ATAD2: variants seen among roughly 807,000 people sequenced by gnomAD.
ATAD2 encodes ATPase family AAA domain-containing protein 2.
ATAD2 carries 62 observed loss-of-function variants against 168.9 expected under a neutral mutation model. The observed-to-expected ratio is 0.37, with a 90% CI of 0.30 to 0.45. ATAD2 has a LOEUF of 0.45. ATAD2 is among the 20% of genes least tolerant of loss of function. The probability of loss-of-function intolerance (pLI) is 1.00; values close to 1 mark genes in which losing one functional copy is unlikely to be tolerated. For missense variants in ATAD2, 1,419 were observed against 1,667.8 expected, an observed-to-expected ratio of 0.85 and a Z score of 2.60; for synonymous variants, 613 against 571.6, an observed-to-expected ratio of 1.07 and a Z score of -1.03.
At chr8:123,413,275 C>T (rs1402877309) in intron 1 of ATAD2, among the ~76,000 whole-genome samples, 1 of 148,296 alleles carries the variant, frequency 6.7e-6, no homozygotes, top group Admixed American at 6.7e-5. Context: ...TTCCAAATGC[C>T]CAAATTACCT....
intron 1 of ATAD2, among the ~76,000 whole-genome samples, chr8:123,408,104 A>G (rs549774822): frequency 6.6e-6 from 1 of 152,350 alleles, no homozygotes; most frequent in Admixed American, 6.5e-5. Context: ...CTTAAATTGT[A>G]TACCAAATCT....
At chr8:123,392,433 T>C (rs1812620601) in intron 1 of ATAD2, among the ~76,000 whole-genome samples, 1 of 152,014 alleles carries the variant, frequency 6.6e-6, no homozygotes, top group African/African-American at 2.4e-5. Context: ...TGAATCATAG[T>C]CACACAGCTT....
rs749524626 is a variant in ATAD2, at chr8:123,337,822, C to CTTCA, written c.2855-5_2855-2dup. The CTTCA allele has an allele frequency of 5.1e-6, 8 of 1,583,340 alleles. No individual in the cohort carries two copies. In the South Asian group the frequency reaches 9.5e-5, roughly 19 times the overall value. On this transcript the variant is annotated splice_acceptor_variant, in intron 20 of 27. Coordinates refer to ENST00000287394, the MANE Select transcript of ATAD2 (RefSeq NM_014109.4). LOFTEE classifies it high-confidence loss of function. ...GGGAGTACCTCCAAAGCCTGCAAAA[C>CTTCA]TTCACATGAATGGAAGAATTTAGTT...
intron 7 of ATAD2, 31 bp downstream of exon 7, chr8:123,369,790 A>T: frequency 6.6e-7 from 1 of 1,509,892 alleles, no homozygotes; most frequent in African/African-American, 1.4e-5. Flanking sequence ...ATATAATTAC[A>T]TCTCCTGGAA....
At position 123,370,988 on chromosome 8, in the gene ATAD2, G is replaced by GCT; in HGVS notation, c.640_641dup (p.Ser214ArgfsTer136). 1 of 1,562,824 alleles carries GCT rather than the reference G, an allele frequency of 6.4e-7. No individual in the cohort carries two copies. The highest frequency in any genetic ancestry group is 8.7e-7 in the Non-Finnish European group (1 of 1,153,592). Reference sequence around the variant, plus strand: ...TTCCTCTTGTGTACATATTAAGATTGCTCTAAAAATGTTTAAATAAAAGCC... The same window carrying GCT: ...TTCCTCTTGTGTACATATTAAGATTGCTCTCTAAAAATGTTTAAATAAAAGCC... On this transcript the variant is annotated frameshift_variant and splice_region_variant, in exon 6 of 28. Transcript: ENST00000287394. LOFTEE classifies it high-confidence loss of function.
At chr8:123,328,107 A>G (rs1827662840) in intron 25 of ATAD2, 83 bp downstream of exon 25, 1 of 1,157,508 alleles carries the variant, frequency 8.6e-7, no homozygotes, top group Non-Finnish European at 1.1e-6. Flanking sequence ...GCAAAAAGCA[A>G]TAAACTAAGA....
chr8:123,389,258 G>A (rs548885863), intron 1 of ATAD2, among the ~76,000 whole-genome samples: 24 of 148,498 alleles, frequency 1.6e-4, no homozygotes, highest in Non-Finnish European at 3.0e-4. Context: ...TTACAGGTGT[G>A]AGCCACCGTG....
chr8:123,377,515 CTAAA>C (rs1475730599), intron 2 of ATAD2, among the ~76,000 whole-genome samples: 1 of 152,030 alleles, frequency 6.6e-6, no homozygotes, highest in Non-Finnish European at 1.5e-5. Context: ...GTAAACCAAA[CTAAA>C]TAGAAGTTCA....
intron 20 of ATAD2, 132 bp downstream of exon 20, chr8:123,339,179 T>C: frequency 1.3e-6 from 1 of 793,132 alleles, no homozygotes; most frequent in Non-Finnish European, 1.9e-6. Flanking sequence ...ATAGAGATTT[T>C]TAAGCAGCAG....
chr8:123,339,554 G>T, intron 19 of ATAD2, 108 bp from the exon 20 acceptor site: 1 of 995,078 alleles, frequency 1.0e-6, no homozygotes, highest in African/African-American at 1.7e-5. Context: ...AAAGTGACAT[G>T]TATTCAGTAT....
chr8:123,336,349 GA>G (rs758277554), intron 22 of ATAD2, 23 bp downstream of exon 22: 23 of 1,559,620 alleles, frequency 1.5e-5, no homozygotes, highest in Admixed American at 1.0e-4. Context: ...TCAACCCCCT[GA>G]AAAAAAATTC....
chr8:123,371,535 C>T, intron 4 of ATAD2, 135 bp downstream of exon 4: 1 of 867,856 alleles, frequency 1.2e-6, no homozygotes, highest in East Asian at 2.7e-5. Context: ...TCACAAAGAC[C>T]TCTGATAATC....
At position 123,328,221 on chromosome 8, in the gene ATAD2, T is replaced by C. The variant is rs79894171; in HGVS notation, c.3837A>G (p.Ile1279Met). The C allele has an allele frequency of 8.3e-5, 118 of 1,427,096 alleles. No individual in the cohort carries two copies. The highest frequency in any genetic ancestry group is 1.1e-4 in the Non-Finnish European group (115 of 1,088,184). The allele number at this position is 1,427,096 out of a possible 1,614,324, so 88.4% of individuals were successfully genotyped here. A position where few individuals can be genotyped will look rare whatever the true frequency, so the allele number is the denominator to read the frequency against. Residue 1279 changes from isoleucine (I) to methionine (M), a missense_variant, in exon 25 of 28, where the codon ATA (isoleucine) becomes ATG (methionine). Physicochemically the swap from Ile to Met is conservative, Grantham distance 10. Coordinates refer to ENST00000287394, the MANE Select transcript of ATAD2 (RefSeq NM_014109.4). ...ACNGDASSSQ[I>M]IHISDENEGK... ...CTTCATTTTCATCAGAAATATGTATTATCTGAGAGCTAGAAGCATCTCCAT... is the reference window on the plus strand; with the variant it reads ...CTTCATTTTCATCAGAAATATGTATCATCTGAGAGCTAGAAGCATCTCCAT...
chr8:123,394,150 G>A (rs1388283983), intron 1 of ATAD2, among the ~76,000 whole-genome samples: 1 of 150,672 alleles, frequency 6.6e-6, no homozygotes, highest in East Asian at 1.9e-4. Context: ...GGTCTTAATA[G>A]CTGACAATGA....
chr8:123,333,610 T>C (rs1369847892), intron 24 of ATAD2, among the ~76,000 whole-genome samples: 1 of 152,162 alleles, frequency 6.6e-6, no homozygotes, highest in East Asian at 1.9e-4. Flanking sequence ...AGTTACCTTC[T>C]AAGAATAAGG....
intron 3 of ATAD2, 152 bp downstream of exon 3, chr8:123,372,485 T>C: frequency 7.0e-6 from 4 of 568,788 alleles, no homozygotes; most frequent in Non-Finnish European, 1.1e-5. Flanking sequence ...ACTATCTTAT[T>C]GTGGTGATGG....
chr8:123,345,871 T>C (rs1236376400), intron 18 of ATAD2, among the ~76,000 whole-genome samples: 1 of 152,228 alleles, frequency 6.6e-6, no homozygotes, highest in Non-Finnish European at 1.5e-5. Flanking sequence ...ATTAGAGAGA[T>C]CTAACAACTT....
In ATAD2 at chr8:123,346,642, T is replaced by C. The variant is rs537317476; in HGVS notation, c.2321A>G (p.Asn774Ser). ...CCTATTCAAATGAAGAAAATTAAAA[T>C]TGTCTTTTGCCTTATGAGAAGATTT... ...SQKSSHKAKD[N>S]FNFLHLNRNA... The change falls in exon 17 of 28, where the codon AAT (asparagine) becomes AGT (serine). Residue 774 changes from asparagine to serine, a missense_variant. Transcript: ENST00000287394. The C allele has an allele frequency of 5.7e-6, 9 of 1,567,542 alleles. No individual in the cohort carries two copies. Among genetic ancestry groups the C allele is most frequent in the African/African-American group, 5.5e-5 (4 of 72,818 alleles).
Position 123,359,647 on chromosome 8 carries a change from C to A in ATAD2, c.1196G>T (p.Gly399Val). The A allele has an allele frequency of 6.2e-7, 1 of 1,612,756 alleles. No individual in the cohort carries two copies. Among genetic ancestry groups the A allele is most frequent in the Non-Finnish European group, 8.5e-7 (1 of 1,179,656 alleles). ...AATTTTCATTCGATCTTTATAAATG[C>A]CTTTTAATTCATCTTTCCGAAAATT... is the stretch of plus-strand genomic sequence containing the variant. ...PLNFRKDELK[G>V]IYKDRMKIGA... Residue 399 changes from glycine (G) to valine (V), a missense_variant, in exon 10 of 28, where the codon GGC becomes GTC. Around this residue, in one of 5 missense-constraint regions of ATAD2, gnomAD observed 146 missense variants for 188.3 expected, o/e 0.78. Coordinates refer to ENST00000287394, the MANE Select transcript of ATAD2 (RefSeq NM_014109.4).
Sources: gnomAD v4.1 joint callset for allele counts (sites outside exome capture counted in the v4.1 genomes callset) on GRCh38, gnomAD v4.1.1 for gene constraint, gnomAD v4.1.1 regional missense constraint, MANE v1.5 for transcripts, NCBI Gene and HGNC (gene_info 2026-07-23, HGNC 2026-07-21) for gene names.